DUXA: variants seen among roughly 807,000 people sequenced by gnomAD.
The protein encoded by DUXA is double homeobox protein A.
Under a neutral mutation model 27.5 loss-of-function variants are expected in DUXA, and 25 were observed. The ratio of observed to expected loss-of-function variants is 0.91; its 90% CI spans 0.66 to 1.27. The LOEUF (loss-of-function observed/expected upper bound fraction) is 1.27. DUXA is among the 50% of genes most tolerant of loss of function. The probability of loss-of-function intolerance (pLI) is 0.00; values close to 1 mark genes in which losing one functional copy is unlikely to be tolerated. For synonymous variants in DUXA, 90 were observed against 80.5 expected (o/e 1.12, Z -0.63); for missense variants, 247 against 242.9 (o/e 1.02, Z -0.11).
chr19:57,160,552 T>G, intron 2 of DUXA, 91 bp downstream of exon 2: 2 of 1,464,874 alleles, frequency 1.4e-6, no homozygotes, highest in Non-Finnish European at 1.9e-6. Context: ...TACCAAGCCC[T>G]CAGCACATGG....
At chr19:57,160,496 G>T in intron 2 of DUXA, 147 bp downstream of exon 2, 1 of 958,066 alleles carries the variant, frequency 1.0e-6, no homozygotes, top group Non-Finnish European at 1.5e-6. Flanking sequence ...GTGAGGCTAA[G>T]ACCAACACCT....
intron 3 of DUXA, 27 bp from the exon 4 acceptor site, chr19:57,158,500 G>A (rs765618734): frequency 6.2e-7 from 1 of 1,606,872 alleles, no homozygotes; most frequent in Non-Finnish European, 8.5e-7. Context: ...AAGATGGAGG[G>A]GGGCGGTCAA....
At position 57,156,686 on chromosome 19, in the gene DUXA, C is replaced by T. The variant is rs565123559; in HGVS notation, c.439-1314G>A. Among the ~76,000 whole-genome samples the T allele has an allele frequency of 2.7e-4, 41 of 152,206 alleles. 1 individual carries two copies. The highest frequency in any genetic ancestry group is 2.6e-4 in the Non-Finnish European group (18 of 68,004). Reference sequence around the variant, plus strand: ...GGCCACAACTCTTTTTATTTTGAGACAGAGTTTCGCCCTTGTTGCCCAGGC... The same window carrying T: ...GGCCACAACTCTTTTTATTTTGAGATAGAGTTTCGCCCTTGTTGCCCAGGC... On this transcript the variant is annotated intron_variant, in intron 4 of 5. Coordinates refer to ENST00000554048, the MANE Select transcript of DUXA (RefSeq NM_001012729.2).
intron 1 of DUXA, among the ~76,000 whole-genome samples, chr19:57,167,203 CT>C (rs1193062706): frequency 2.6e-5 from 4 of 152,068 alleles, no homozygotes; most frequent in African/African-American, 9.7e-5. Flanking sequence ...TTATTTAGTT[CT>C]TGAATATCTG....
chr19:57,161,152 C>T (rs1035389168), intron 1 of DUXA, among the ~76,000 whole-genome samples: 1 of 151,376 alleles, frequency 6.6e-6, no homozygotes, highest in Non-Finnish European at 1.5e-5. Context: ...GATGAAACTC[C>T]ATCTGTACTA....
chr19:57,163,084 A>G (rs928786173), intron 1 of DUXA, among the ~76,000 whole-genome samples: 2 of 151,980 alleles, frequency 1.3e-5, no homozygotes, highest in South Asian at 2.1e-4. Flanking sequence ...TACTCCTGCC[A>G]TGATATCTAA....
At chr19:57,166,301 TTATG>T (rs531246996) in intron 1 of DUXA, among the ~76,000 whole-genome samples, 2 of 151,962 alleles carry the variant, frequency 1.3e-5, no homozygotes, top group Non-Finnish European at 2.9e-5. Context: ...ATAATTTAAT[TTATG>T]TATGTATGTA....
intron 1 of DUXA, among the ~76,000 whole-genome samples, chr19:57,165,308 G>T (rs2087045577): frequency 2.4e-5 from 1 of 41,638 alleles, no homozygotes; most frequent in South Asian, 7.6e-4. Flanking sequence ...TTCTGGAGTA[G>T]GAAAAAAAAA....
intron 1 of DUXA, among the ~76,000 whole-genome samples, chr19:57,166,756 G>A (rs939583883): frequency 6.6e-6 from 1 of 152,210 alleles, no homozygotes; most frequent in African/African-American, 2.4e-5. Context: ...GAAATGGTCA[G>A]ATTCCTTAAA....
At chr19:57,157,557 C>G (rs1300600217) in intron 4 of DUXA, among the ~76,000 whole-genome samples, 1 of 152,004 alleles carries the variant, frequency 6.6e-6, no homozygotes, top group Non-Finnish European at 1.5e-5. Context: ...TCTTCAACTC[C>G]TGACCTCAGG....
intron 4 of DUXA, among the ~76,000 whole-genome samples, chr19:57,156,127 C>A (rs765341774): frequency 1.3e-5 from 2 of 152,160 alleles, no homozygotes; most frequent in Admixed American, 1.3e-4. Flanking sequence ...TCTAAAGTGA[C>A]ATGCTACATT....
chr19:57,155,514 C>A (rs2086988521), intron 4 of DUXA, 142 bp from the exon 5 acceptor site: 2 of 651,618 alleles, frequency 3.1e-6, no homozygotes, highest in Non-Finnish European at 5.2e-6. Context: ...TGCATCATCA[C>A]CTTAGGCTAA....
At chr19:57,162,816 C>T (rs550918129) in intron 1 of DUXA, among the ~76,000 whole-genome samples, 100 of 152,226 alleles carry the variant, frequency 6.6e-4, no homozygotes, top group African/African-American at 2.4e-3. Context: ...CCTCCTGATC[C>T]ACCCACCTTG....
At chr19:57,155,453 T>C (rs2086988161) in intron 4 of DUXA, 81 bp from the exon 5 acceptor site, 21 of 1,180,786 alleles carry the variant, frequency 1.8e-5, no homozygotes, top group Non-Finnish European at 2.3e-5. Flanking sequence ...CTTTTTTCTT[T>C]TCTGTTTTTT....
chr19:57,155,258 G>C lies in DUXA; in HGVS notation c.544+9C>G, dbSNP rs747677797. The stretch of plus-strand genomic sequence containing the variant: ...TTGTGAACCACATTGGAAACAACAG[G>C]CTAGTTACCTTGCAGTCCCTCAGGA... On this transcript the variant is annotated intron_variant, in intron 5 of 5. Transcript: ENST00000554048. The C allele has an allele frequency of 8.7e-6, 14 of 1,612,550 alleles. No homozygotes were observed. Among genetic ancestry groups the C allele is most frequent in the Non-Finnish European group, 1.1e-5 (13 of 1,178,654 alleles).
intron 1 of DUXA, 43 bp from the exon 2 acceptor site, chr19:57,160,840 T>G: frequency 1.2e-6 from 2 of 1,603,726 alleles, no homozygotes; most frequent in Non-Finnish European, 1.7e-6. Context: ...ATAGGTTAAT[T>G]TATATACTCA....
chr19:57,160,218 GC>G (rs1231481519), intron 2 of DUXA, among the ~76,000 whole-genome samples: 1 of 152,094 alleles, frequency 6.6e-6, no homozygotes, highest in Non-Finnish European at 1.5e-5. Context: ...CCTTGATTGT[GC>G]CCCTGCACTC....
chr19:57,157,251 C>T (rs1437328064), intron 4 of DUXA, among the ~76,000 whole-genome samples: 1 of 152,170 alleles, frequency 6.6e-6, no homozygotes, highest in Non-Finnish European at 1.5e-5. Context: ...AATTTTATTC[C>T]ATTTCAAGAT....
At chr19:57,159,134 C>T (rs1454742345) in intron 3 of DUXA, 33 bp downstream of exon 3, 2 of 1,582,948 alleles carry the variant, frequency 1.3e-6, no homozygotes, top group Non-Finnish European at 1.7e-6. Flanking sequence ...TAGAGAAGCT[C>T]TGCTGGGGAA....
Sources: allele counts gnomAD v4.1 joint callset (sites outside exome capture counted in the v4.1 genomes callset), GRCh38; gene constraint gnomAD v4.1.1; transcripts MANE v1.5; gene names NCBI Gene and HGNC (gene_info 2026-07-23, HGNC 2026-07-21).